Variants in CTNNA3 observed in about 807,000 individuals in gnomAD.
The protein encoded by CTNNA3 is catenin alpha 3.
CTNNA3 carries 76 observed loss-of-function variants against 95.7 expected under a neutral mutation model. That is an observed-to-expected ratio of 0.79 (90% CI 0.66 to 0.96). CTNNA3 has a LOEUF of 0.96. Ranked by LOEUF, CTNNA3 falls within the 40% of genes least tolerant of loss-of-function variation. The pLI, the probability that CTNNA3 is intolerant of heterozygous loss-of-function variation, is 0.00. For missense variants in CTNNA3, 1,191 were observed against 1,089.8 expected, an observed-to-expected ratio of 1.09 and a Z score of -1.31; for synonymous variants, 431 against 374.4, an observed-to-expected ratio of 1.15 and a Z score of -1.74.
intron 7 of CTNNA3, among the ~76,000 whole-genome samples, chr10:67,092,940 G>A (rs942886991): frequency 3.9e-5 from 6 of 151,936 alleles, no homozygotes; most frequent in South Asian, 2.1e-4. Flanking sequence ...AGCATATAAC[G>A]ATTTTCTTAG....
intron 11 of CTNNA3, among the ~76,000 whole-genome samples, chr10:66,446,246 C>A (rs1235909266): frequency 3.3e-5 from 5 of 152,142 alleles, no homozygotes; most frequent in African/African-American, 1.2e-4. Flanking sequence ...ACCAAAGATA[C>A]AAAGAGGAGC....
intron 7 of CTNNA3, among the ~76,000 whole-genome samples, chr10:67,158,904 G>C (rs1432455322): frequency 2.0e-5 from 3 of 151,622 alleles, no homozygotes; most frequent in Non-Finnish European, 4.4e-5. Flanking sequence ...AGCCTCAAAG[G>C]GGGGAAAGGA....
intron 1 of CTNNA3, among the ~76,000 whole-genome samples, chr10:67,752,973 T>G (rs940847904): frequency 6.6e-6 from 1 of 152,114 alleles, no homozygotes; most frequent in Non-Finnish European, 1.5e-5. Context: ...AAAAACTACT[T>G]TAAAATTCTT....
intron 11 of CTNNA3, among the ~76,000 whole-genome samples, chr10:66,445,073 G>C (rs1244449039): frequency 2.0e-5 from 3 of 152,064 alleles, no homozygotes; most frequent in Non-Finnish European, 2.9e-5. Context: ...AAGAGACAAA[G>C]AAGGCCATTA....
At chr10:67,691,683 C>A (rs1840858295) in intron 1 of CTNNA3, among the ~76,000 whole-genome samples, 1 of 151,258 alleles carries the variant, frequency 6.6e-6, no homozygotes, top group Admixed American at 6.6e-5. Context: ...AAGTGAGGAG[C>A]CCCTCCACCC....
chr10:67,753,525 G>C (rs141387480), intron 1 of CTNNA3, among the ~76,000 whole-genome samples: 1,860 of 152,270 alleles, frequency 0.012, 17 homozygotes, highest in Non-Finnish European at 0.017. Flanking sequence ...ACAGTGAACA[G>C]ACAACCTATG....
At position 65,916,171 on chromosome 10, in the gene CTNNA3, G is replaced by A. The variant is rs2133093200; in HGVS notation, c.*4159C>T. 1 of 151,984 alleles carries A rather than the reference G, an allele frequency of 6.6e-6. No individual in the cohort carries two copies. The highest frequency in any genetic ancestry group is 1.5e-5 in the Non-Finnish European group (1 of 67,972). 9.4% of individuals were successfully genotyped at this position (151,984 alleles called of 1,614,324 possible). On this transcript the variant is annotated 3_prime_UTR_variant, in exon 18 of 18. Coordinates refer to ENST00000433211, the MANE Select transcript of CTNNA3 (RefSeq NM_013266.4). Reference sequence around the variant, plus strand: ...ATAAATAAAAACAGTAACATCTCAGGTGGCAGAAATTTTCCTACTTTACTT... The same window carrying A: ...ATAAATAAAAACAGTAACATCTCAGATGGCAGAAATTTTCCTACTTTACTT...
intron 10 of CTNNA3, among the ~76,000 whole-genome samples, chr10:66,524,298 A>T (rs546756456): frequency 2.0e-5 from 3 of 147,680 alleles, no homozygotes; most frequent in African/African-American, 7.4e-5. Context: ...GGGACTATGT[A>T]TTATTCATCT....
chr10:65,988,044 G>C (rs1193999553), intron 16 of CTNNA3, among the ~76,000 whole-genome samples: 1 of 151,940 alleles, frequency 6.6e-6, no homozygotes, highest in Non-Finnish European at 1.5e-5. Flanking sequence ...TAGCGGAGAG[G>C]GGAAGATAAA....
At chr10:67,243,388 A>T (rs888223185) in intron 5 of CTNNA3, among the ~76,000 whole-genome samples, 1 of 152,188 alleles carries the variant, frequency 6.6e-6, no homozygotes, top group Non-Finnish European at 1.5e-5. Context: ...AATTAGGGAT[A>T]AAATTAAGGA....
At chr10:65,948,377 A>G (rs12775337) in intron 17 of CTNNA3, among the ~76,000 whole-genome samples, 3 of 152,110 alleles carry the variant, frequency 2.0e-5, no homozygotes, top group East Asian at 3.9e-4. Context: ...TACACAATGT[A>G]TGAATATATA....
chr10:65,983,351 T>A (rs2078362568), intron 16 of CTNNA3, among the ~76,000 whole-genome samples: 1 of 151,594 alleles, frequency 6.6e-6, no homozygotes, highest in South Asian at 2.1e-4. Flanking sequence ...ATTGTCTCCT[T>A]CCTATCTAGG....
At chr10:66,390,456 G>A in intron 11 of CTNNA3, among the ~76,000 whole-genome samples, 1 of 152,076 alleles carries the variant, frequency 6.6e-6, no homozygotes, top group East Asian at 1.9e-4. Context: ...GAGTTATAAT[G>A]CAAAATCGAT....
chr10:66,224,016 G>A (rs923601531), intron 13 of CTNNA3, among the ~76,000 whole-genome samples: 8 of 152,114 alleles, frequency 5.3e-5, no homozygotes, highest in African/African-American at 1.9e-4. Context: ...GTGCAACACA[G>A]TGAGGCCCTG....
intron 10 of CTNNA3, among the ~76,000 whole-genome samples, chr10:66,530,434 A>T (rs1841426701): frequency 6.6e-6 from 1 of 152,116 alleles, no homozygotes; most frequent in Non-Finnish European, 1.5e-5. Context: ...TTCTACTACT[A>T]CCAAATATTT....
At chr10:67,023,502 G>T (rs975478561) in intron 7 of CTNNA3, among the ~76,000 whole-genome samples, 1 of 152,090 alleles carries the variant, frequency 6.6e-6, no homozygotes, top group Non-Finnish European at 1.5e-5. Flanking sequence ...TTATTTAATA[G>T]AATAGCTCTA....
chr10:66,682,104 T>C (rs1847086610), intron 9 of CTNNA3, among the ~76,000 whole-genome samples: 1 of 152,128 alleles, frequency 6.6e-6, no homozygotes. Flanking sequence ...TCCTATTAAG[T>C]TTCAAATAAT....
At chr10:66,660,187 C>T (rs1000481912) in intron 9 of CTNNA3, among the ~76,000 whole-genome samples, 2 of 152,008 alleles carry the variant, frequency 1.3e-5, no homozygotes, top group Non-Finnish European at 2.9e-5. Context: ...TCTTACCTGC[C>T]CATTTGCTCA....
At chr10:67,433,702 A>C (rs909681782) in intron 5 of CTNNA3, among the ~76,000 whole-genome samples, 2 of 152,108 alleles carry the variant, frequency 1.3e-5, no homozygotes, top group Non-Finnish European at 2.9e-5. Flanking sequence ...ATATCATGAA[A>C]ATGTATTGAA....
Sources: allele counts gnomAD v4.1 joint callset (sites outside exome capture counted in the v4.1 genomes callset), GRCh38; gene constraint gnomAD v4.1.1; transcripts MANE v1.5; gene names NCBI Gene and HGNC (gene_info 2026-07-23, HGNC 2026-07-21).